The following HDAC9 variants were observed in gnomAD, a reference collection of about 807,000 sequenced individuals.
The protein encoded by HDAC9 is MEF-2 interacting transcription repressor (MITR) protein.
In HDAC9, 41 loss-of-function variants were observed where a neutral mutation model predicts 139.4. The ratio of observed to expected loss-of-function variants is 0.29; its 90% CI spans 0.23 to 0.38. The LOEUF (loss-of-function observed/expected upper bound fraction) is 0.38, where lower values mean the gene tolerates loss of function less well. Among genes scored for constraint, HDAC9 ranks in the 10% least tolerant of loss-of-function variants. HDAC9 has a pLI of 1.00. For synonymous variants in HDAC9, 517 were observed against 476.2 expected (o/e 1.09, Z -1.12); for missense variants, 1,147 against 1,297.0 (o/e 0.88, Z 1.78).
intron 2 of HDAC9, among the ~76,000 whole-genome samples, chr7:18,573,185 A>G (rs569733800): frequency 1.5e-4 from 23 of 152,318 alleles, no homozygotes; most frequent in African/African-American, 5.3e-4. Flanking sequence ...ACTTTAAGAA[A>G]CTAAAGACAT....
intron 16 of HDAC9, among the ~76,000 whole-genome samples, chr7:18,783,801 T>C (rs1192350678): frequency 6.6e-6 from 1 of 152,054 alleles, no homozygotes; most frequent in Non-Finnish European, 1.5e-5. Flanking sequence ...TTAGCTTGGC[T>C]GGGGATTTTT....
intron 6 of HDAC9, among the ~76,000 whole-genome samples, chr7:18,620,186 G>T (rs1434066307): frequency 6.6e-6 from 1 of 152,088 alleles, no homozygotes; most frequent in African/African-American, 2.4e-5. Context: ...GGCTACACAT[G>T]CTTCCAGTCT....
intron 1 of HDAC9, among the ~76,000 whole-genome samples, chr7:18,447,887 G>A (rs909780626): frequency 9.2e-5 from 14 of 152,172 alleles, no homozygotes; most frequent in African/African-American, 2.7e-4. Context: ...TGTCACCCAC[G>A]CTGTAGTGGA....
chr7:18,263,030 A>G (rs1445381428), intron 2 of HDAC9, among the ~76,000 whole-genome samples: 2 of 152,214 alleles, frequency 1.3e-5, no homozygotes, highest in Admixed American at 1.3e-4. Context: ...ATGTAAATGT[A>G]TTAAATAGTC....
At position 18,509,277 on chromosome 7, in the gene HDAC9, A is replaced by G. The variant is rs866236281; in HGVS notation, c.22+12953A>G. On this transcript the variant is annotated intron_variant, in intron 2 of 25. Coordinates refer to ENST00000686413, the MANE Select transcript of HDAC9 (RefSeq NM_178425.4). Reference sequence around the variant, plus strand: ...GTGTTCTGGAGCTATTTTAATCTCCACTTAACTTCTGCCTTGTGGAAGGGG... The same window carrying G: ...GTGTTCTGGAGCTATTTTAATCTCCGCTTAACTTCTGCCTTGTGGAAGGGG... The G allele has an allele frequency of 9.6e-5, 95 of 985,342 alleles. No homozygotes were observed. In the Middle Eastern group the frequency reaches 1.6e-3, roughly 16 times the overall value. The allele number at this position is 985,342 out of a possible 1,614,324, so 61.0% of individuals were successfully genotyped here.
chr7:18,604,399 A>C (rs1246723640), intron 6 of HDAC9, among the ~76,000 whole-genome samples: 2 of 149,714 alleles, frequency 1.3e-5, no homozygotes, highest in African/African-American at 4.9e-5. Context: ...ACTGATGAGC[A>C]CATTTGGACC....
chr7:18,857,815 T>C (rs574465671), intron 21 of HDAC9, among the ~76,000 whole-genome samples: 49 of 152,178 alleles, frequency 3.2e-4, no homozygotes, highest in African/African-American at 1.2e-3. Context: ...CTTGACAAAG[T>C]TGGGTTCAGC....
intron 25 of HDAC9, among the ~76,000 whole-genome samples, chr7:18,989,680 T>A (rs1585500567): frequency 6.7e-6 from 1 of 149,692 alleles, no homozygotes; most frequent in African/African-American, 2.5e-5. Context: ...CCCTGTCACT[T>A]TCAGGTACAC....
At chr7:18,510,134 TA>T (rs1210244692) in intron 2 of HDAC9, among the ~76,000 whole-genome samples, 3 of 152,182 alleles carry the variant, frequency 2.0e-5, no homozygotes, top group Non-Finnish European at 4.4e-5. Context: ...GCCCCCAAAT[TA>T]AAATTATTCA....
At position 18,952,036 on chromosome 7, in the gene HDAC9, G is replaced by T. The variant is rs73307024; in HGVS notation, c.2938-2110G>T. ...CTACATTGAGAAATTTCTGAATTCA[G>T]CTCTGTCTGTATGTATACACTCAAA... is the stretch of plus-strand genomic sequence containing the variant. On this transcript the variant is annotated intron_variant, in intron 23 of 25. Coordinates refer to ENST00000686413, the MANE Select transcript of HDAC9 (RefSeq NM_178425.4). Among the ~76,000 whole-genome samples, 817 of 152,024 alleles carry T rather than the reference G, an allele frequency of 5.4e-3. 8 individuals are homozygous for T. Among genetic ancestry groups the T allele is most frequent in the African/African-American group, 0.019 (778 of 41,520 alleles).
intron 1 of HDAC9, among the ~76,000 whole-genome samples, chr7:18,151,483 G>C (rs1451473031): frequency 6.6e-6 from 1 of 152,164 alleles, no homozygotes; most frequent in Non-Finnish European, 1.5e-5. Context: ...ATCCTCTCAT[G>C]GGCCAGTTAG....
chr7:18,131,089 C>A (rs1784970714), intron 1 of HDAC9, among the ~76,000 whole-genome samples: 1 of 152,050 alleles, frequency 6.6e-6, no homozygotes, highest in East Asian at 1.9e-4. Flanking sequence ...AATTAGGAAT[C>A]CAAATGAGAT....
intron 2 of HDAC9, among the ~76,000 whole-genome samples, chr7:18,525,361 G>A (rs1444265159): frequency 6.6e-6 from 1 of 151,958 alleles, no homozygotes; most frequent in Non-Finnish European, 1.5e-5. Flanking sequence ...CAAGGATTTT[G>A]TATCTTTTGT....
intron 1 of HDAC9, among the ~76,000 whole-genome samples, chr7:18,145,336 A>G (rs928597500): frequency 2.0e-5 from 3 of 152,226 alleles, no homozygotes; most frequent in African/African-American, 7.2e-5. Context: ...TGAAGTGATA[A>G]ATACAGGGTG....
At position 18,829,534 on chromosome 7, in the gene HDAC9, T is replaced by G. The variant is rs1167723306; in HGVS notation, c.2452T>G (p.Leu818Val). 6.2e-7 allele frequency: 1 copy of G among 1,600,662 alleles called. No individual in the cohort carries two copies. The highest frequency in any genetic ancestry group is 2.2e-5 in the East Asian group (1 of 44,822). Residue 818 changes from leucine (L) to valine (V), a missense_variant, in exon 19 of 26, where the codon TTG becomes GTG. Leu to Val is a conservative substitution (Grantham distance 32). Transcript: ENST00000686413. ...LRDQLNISKI[L>V]IVDLDVHHGN... The stretch of plus-strand genomic sequence containing the variant: ...AGACCAACTAAATATAAGCAAGATA[T>G]TGATTGTAGATCTGGTATGTATTCC...
chr7:18,607,874 T>C (rs923580229), intron 6 of HDAC9, among the ~76,000 whole-genome samples: 2 of 152,176 alleles, frequency 1.3e-5, no homozygotes, highest in Non-Finnish European at 2.9e-5. Flanking sequence ...CAGTGGTATC[T>C]CAAATTAATC....
chr7:18,361,231 A>G (rs1783752108), intron 1 of HDAC9, among the ~76,000 whole-genome samples: 1 of 152,190 alleles, frequency 6.6e-6, no homozygotes, highest in South Asian at 2.1e-4. Flanking sequence ...AGCAAGGAGA[A>G]AAACTGGGTT....
rs1033471348 is a variant in HDAC9 at position 18,496,114 on chromosome 7, T to G, written c.-42+91T>G. 11 of 1,402,124 alleles carry G rather than the reference T, an allele frequency of 7.8e-6. No homozygotes were observed. In the African/African-American group the frequency reaches 1.3e-4, roughly 17 times the overall value. 86.9% of individuals were successfully genotyped at this position (1,402,124 alleles called of 1,614,324 possible). On this transcript the variant is annotated intron_variant, in intron 1 of 25. Coordinates refer to ENST00000686413, the MANE Select transcript of HDAC9 (RefSeq NM_178425.4). ...ATCATTGTCGAAGTTGATCCTCTGC[T>G]GCTTCTCCTCAGGGAGGAGGGAGAA...
intron 2 of HDAC9, among the ~76,000 whole-genome samples, chr7:18,500,346 T>C (rs998107372): frequency 6.6e-6 from 1 of 152,170 alleles, no homozygotes; most frequent in African/African-American, 2.4e-5. Flanking sequence ...CAAAATAGCA[T>C]GTCAGCCAGC....
Sources: gnomAD v4.1 joint callset for allele counts (sites outside exome capture counted in the v4.1 genomes callset) on GRCh38, gnomAD v4.1.1 for gene constraint, MANE v1.5 for transcripts, NCBI Gene and HGNC (gene_info 2026-07-23, HGNC 2026-07-21) for gene names.